Variants in PHF14 observed in about 807,000 individuals in gnomAD.
PHF14 encodes the protein PHD finger protein 14.
A neutral mutation model predicts 117.9 loss-of-function variants in PHF14; 55 were observed. The ratio of observed to expected loss-of-function variants is 0.47; its 90% CI spans 0.38 to 0.58. PHF14 has a LOEUF of 0.58. Ranked by LOEUF, PHF14 falls within the 20% of genes least tolerant of loss-of-function variation. The pLI, the probability that PHF14 is intolerant of heterozygous loss-of-function variation, is 0.00. For missense variants in PHF14, 978 were observed against 1,122.2 expected (o/e 0.87, Z 1.84); for synonymous variants, 409 against 368.6 (o/e 1.11, Z -1.26).
chr7:11,099,663 C>CCACA (rs951574173), intron 16 of PHF14, among the ~76,000 whole-genome samples: 1 of 152,070 alleles, frequency 6.6e-6, no homozygotes, highest in Non-Finnish European at 1.5e-5. Flanking sequence ...GAGACTCTTA[C>CCACA]CACAGTTCTG....
chr7:11,120,804 G>C (rs1787729549), intron 17 of PHF14, among the ~76,000 whole-genome samples: 1 of 152,018 alleles, frequency 6.6e-6, no homozygotes, highest in Non-Finnish European at 1.5e-5. Flanking sequence ...CTAAAGGTTT[G>C]TTTTGTTTAA....
intron 5 of PHF14, among the ~76,000 whole-genome samples, chr7:11,018,497 T>C (rs559216310): frequency 5.1e-4 from 77 of 152,314 alleles, no homozygotes; most frequent in Middle Eastern, 3.4e-3. Context: ...TTTAATCTTA[T>C]GTGTGGCTAT....
intron 16 of PHF14, among the ~76,000 whole-genome samples, chr7:11,084,054 G>A (rs762002392): frequency 4.6e-5 from 7 of 152,078 alleles, no homozygotes; most frequent in Non-Finnish European, 8.8e-5. Flanking sequence ...GAGAAGATAC[G>A]TTAAAGACAC....
intron 17 of PHF14, among the ~76,000 whole-genome samples, chr7:11,149,423 T>C (rs1488856915): frequency 6.6e-6 from 1 of 152,146 alleles, no homozygotes; most frequent in Non-Finnish European, 1.5e-5. Flanking sequence ...GGAATGGCTT[T>C]TCTATCTACA....
intron 17 of PHF14, among the ~76,000 whole-genome samples, chr7:11,140,061 A>G (rs1037280143): frequency 3.9e-5 from 6 of 152,202 alleles, no homozygotes; most frequent in South Asian, 4.1e-4. Flanking sequence ...CCTACACACT[A>G]TTCTGTACAC....
chr7:11,139,545 CAG>C (rs764582426), intron 17 of PHF14, among the ~76,000 whole-genome samples: 17 of 152,080 alleles, frequency 1.1e-4, no homozygotes, highest in East Asian at 3.8e-4. Context: ...TAAAGACAAA[CAG>C]AAATCATCAG....
chr7:11,025,251 A>G (rs530151391), intron 6 of PHF14, among the ~76,000 whole-genome samples: 1 of 152,318 alleles, frequency 6.6e-6, no homozygotes, highest in South Asian at 2.1e-4. Flanking sequence ...ATGAGTGAAG[A>G]AAGTGGTTTC....
At position 11,036,499 on chromosome 7, in the gene PHF14, A is replaced by C; in HGVS notation, c.1684A>C (p.Arg562=). ...RSTRPQAWVP[R]EKLPRPLTSS... is the part of the protein sequence containing the mutation. ...TACCAGACCCCAGGCCTGGGTTCCA[A>C]GGGAAAAATTGCCCAGACCACTCAC... is the stretch of plus-strand genomic sequence containing the variant. The change falls in exon 9 of 18, where the codon AGG becomes CGG. Residue 562 remains arginine, a synonymous_variant. Transcript: ENST00000634607. 1 of 1,613,940 alleles carries C rather than the reference A, an allele frequency of 6.2e-7. No individual in the cohort carries two copies. The highest frequency in any genetic ancestry group is 8.5e-7 in the Non-Finnish European group (1 of 1,179,826).
intron 5 of PHF14, among the ~76,000 whole-genome samples, chr7:11,017,060 G>A (rs531372392): frequency 5.1e-4 from 78 of 152,268 alleles, no homozygotes; most frequent in Non-Finnish European, 8.7e-4. Flanking sequence ...TTCCACCCAA[G>A]TTGTTGCAAA....
chr7:10,999,432 A>G (rs1782779337), intron 4 of PHF14, among the ~76,000 whole-genome samples: 1 of 151,578 alleles, frequency 6.6e-6, no homozygotes. Context: ...TAGTAAAGCA[A>G]CTCTTTTACT....
intron 7 of PHF14, among the ~76,000 whole-genome samples, chr7:11,031,713 C>T (rs918093231): frequency 1.3e-5 from 2 of 152,032 alleles, no homozygotes; most frequent in Admixed American, 6.6e-5. Context: ...ATGTTCTCAC[C>T]ACTGCACTCA....
intron 17 of PHF14, among the ~76,000 whole-genome samples, chr7:11,148,892 T>C (rs1001832561): frequency 6.6e-6 from 1 of 152,256 alleles, no homozygotes; most frequent in African/African-American, 2.4e-5. Context: ...TTATAATAAC[T>C]GTAGCTAACA....
intron 4 of PHF14, among the ~76,000 whole-genome samples, chr7:11,008,988 A>C (rs894339830): frequency 6.7e-6 from 1 of 149,372 alleles, no homozygotes; most frequent in African/African-American, 2.5e-5. Context: ...GTGAGCTGAG[A>C]TCATGCCACT....
chr7:11,048,603 T>C (rs1416487563), intron 13 of PHF14, among the ~76,000 whole-genome samples: 1 of 152,214 alleles, frequency 6.6e-6, no homozygotes, highest in Admixed American at 6.5e-5. Context: ...TTTGATTTCA[T>C]TGAATTAGAC....
At chr7:11,064,984 G>C (rs1041213802) in intron 16 of PHF14, among the ~76,000 whole-genome samples, 1 of 151,992 alleles carries the variant, frequency 6.6e-6, no homozygotes, top group African/African-American at 2.4e-5. Context: ...TTGAAATAAA[G>C]GTCACAATTG....
intron 16 of PHF14, among the ~76,000 whole-genome samples, chr7:11,092,971 T>TA (rs923728313): frequency 2.0e-5 from 3 of 152,178 alleles, no homozygotes; most frequent in African/African-American, 7.2e-5. Flanking sequence ...TGCTCTGAAA[T>TA]AGCACTTTGT....
rs116940701 is a variant in PHF14 at position 11,085,928 on chromosome 7, G to A, written c.2654+23843G>A. 4.1e-3 allele frequency among the ~76,000 whole-genome samples: 624 copies of A among 152,006 alleles called. 4 individuals carry two copies. The highest frequency in any genetic ancestry group is 6.1e-3 in the Non-Finnish European group (416 of 67,968). ...TGTGGTTAAATGCTTGAATTCTGGA[G>A]CCTAGTTATTTGGGTTCAGATTTTC... is the stretch of plus-strand genomic sequence containing the variant. On this transcript the variant is annotated intron_variant, in intron 16 of 17. Coordinates refer to ENST00000634607, the MANE Select transcript of PHF14 (RefSeq NM_001007157.2).
At chr7:11,102,881 A>T in intron 16 of PHF14, 1 of 1,134,990 alleles carries the variant, frequency 8.8e-7, no homozygotes, top group Non-Finnish European at 1.1e-6. Flanking sequence ...TTCTTTGGCA[A>T]ATGTTGATAC....
chr7:11,023,219 T>A (rs1436857339), intron 6 of PHF14, among the ~76,000 whole-genome samples: 1 of 152,194 alleles, frequency 6.6e-6, no homozygotes, highest in Non-Finnish European at 1.5e-5. Context: ...CTACTACCAT[T>A]TCCCTGGCAG....
Sources: allele counts gnomAD v4.1 joint callset (sites outside exome capture counted in the v4.1 genomes callset), GRCh38; gene constraint gnomAD v4.1.1; transcripts MANE v1.5; gene names NCBI Gene and HGNC (gene_info 2026-07-23, HGNC 2026-07-21).